The following PPIC variants were observed in gnomAD, a reference collection of about 807,000 sequenced individuals.
The protein encoded by PPIC is peptidylprolyl isomerase C.
PPIC carries 19 observed loss-of-function variants against 19.5 expected under a neutral mutation model. The observed-to-expected ratio is 0.98, with a 90% CI of 0.68 to 1.43. PPIC has a LOEUF of 1.43. Among genes scored for constraint, PPIC ranks in the 40% most tolerant of loss-of-function variants. The pLI, the probability that PPIC is intolerant of heterozygous loss-of-function variation, is 0.00. For synonymous variants in PPIC, 107 were observed against 101.2 expected (o/e 1.06, Z -0.34); for missense variants, 268 against 268.6 (o/e 1.00, Z 0.02).
rs1192954020 is a variant in PPIC at position 123,036,381 on chromosome 5, C to T, written c.117+128G>A. 1.2e-6 allele frequency: 1 copy of T among 846,576 alleles called. No individual in the cohort carries two copies. 52.4% of individuals were successfully genotyped at this position (846,576 alleles called of 1,614,324 possible). A position where few individuals can be genotyped will look rare whatever the true frequency, so the allele number is the denominator to read the frequency against. ...GCCCCCTCCCACCCAGTCCCGCGGC[C>T]GCCTCCAGTCCCCCTGCGCCCGGGA... On this transcript the variant is annotated intron_variant, in intron 1 of 4. Transcript: ENST00000306442. This position sits in a 1 kb window ranked among gnomAD's most constrained non-coding sequence, Gnocchi z 4.5.
chr5:123,027,062 C>T (rs45584638), intron 3 of PPIC, among the ~76,000 whole-genome samples: 33 of 152,034 alleles, frequency 2.2e-4, no homozygotes, highest in African/African-American at 6.5e-4. Flanking sequence ...GGCATGGTGG[C>T]GGGCGCCTGC....
Position 123,036,443 on chromosome 5 carries a change from G to A in PPIC, c.117+66C>T. ...CGCCCGCCCTGACACCGAGGTCCCA[G>A]TATCCAAAGCGCCCCCAGGGCCCCG... On this transcript the variant is annotated intron_variant, in intron 1 of 4. Transcript: ENST00000306442. This position sits in a 1 kb window ranked among gnomAD's most constrained non-coding sequence, Gnocchi z 4.5. The A allele has an allele frequency of 7.0e-7, 1 of 1,425,554 alleles. No homozygotes were observed. The highest frequency in any genetic ancestry group is 2.3e-5 in the East Asian group (1 of 42,986). The allele number at this position is 1,425,554 out of a possible 1,614,324, so 88.3% of individuals were successfully genotyped here.
intron 1 of PPIC, among the ~76,000 whole-genome samples, chr5:123,031,554 G>A (rs1034692169): frequency 6.6e-6 from 1 of 152,144 alleles, no homozygotes; most frequent in Non-Finnish European, 1.5e-5. Context: ...AGTGGGTGGG[G>A]GGCCAGGAAA....
At chr5:123,025,658 C>G in intron 4 of PPIC, 126 bp downstream of exon 4, 1 of 974,666 alleles carries the variant, frequency 1.0e-6, no homozygotes. Context: ...ATTTATTCAC[C>G]TTTGAAGAGG....
chr5:123,026,052 A>G (rs1762848481), intron 3 of PPIC, 84 bp from the exon 4 acceptor site: 2 of 1,183,530 alleles, frequency 1.7e-6, no homozygotes, highest in Admixed American at 6.2e-5. Flanking sequence ...TAGAGGAATC[A>G]ATTACTAGAA....
chr5:123,035,640 T>TC, intron 1 of PPIC, among the ~76,000 whole-genome samples: 1 of 152,118 alleles, frequency 6.6e-6, no homozygotes, highest in Non-Finnish European at 1.5e-5. Context: ...GCCCGCCCCC[T>TC]CCAGCTTCAG....
chr5:123,024,798 T>C (rs1040312544), intron 4 of PPIC, among the ~76,000 whole-genome samples: 1 of 152,066 alleles, frequency 6.6e-6, no homozygotes, highest in Non-Finnish European at 1.5e-5. Flanking sequence ...ATAAGTCACA[T>C]GAAAACAAAA....
chr5:123,036,670 C>T lies in PPIC; in HGVS notation c.-45G>A, dbSNP rs200682048. The T allele has an allele frequency of 3.6e-4, 538 of 1,499,302 alleles. 2 individuals carry two copies. In the East Asian group the frequency reaches 0.01, roughly 28 times the overall value. 92.9% of individuals were successfully genotyped at this position (1,499,302 alleles called of 1,614,324 possible). A position where few individuals can be genotyped will look rare whatever the true frequency, so the allele number is the denominator to read the frequency against. ...GCTACCGGCACGGGCGCTACCGGCA[C>T]GGGCGCGACACAGGCTCTGGGACAG... On this transcript the variant is annotated 5_prime_UTR_variant, in exon 1 of 5. The change creates a new upstream start codon in the 5' untranslated region. Transcript: ENST00000306442. The surrounding 1 kb of genome is among the most constrained non-coding windows in gnomAD (Gnocchi z 4.5).
At chr5:123,024,322 C>G (rs1233100325) in intron 4 of PPIC, among the ~76,000 whole-genome samples, 3 of 152,192 alleles carry the variant, frequency 2.0e-5, no homozygotes, top group Non-Finnish European at 4.4e-5. Flanking sequence ...ACACCCAGCT[C>G]TAGTAAAAGG....
At chr5:123,028,565 A>G in intron 3 of PPIC, 1 of 452,238 alleles carries the variant, frequency 2.2e-6, no homozygotes, top group African/African-American at 2.0e-5. Context: ...AATAAACACC[A>G]AAACAATCCT....
intron 2 of PPIC, 164 bp from the exon 3 acceptor site, chr5:123,029,032 C>G: frequency 2.4e-6 from 2 of 822,256 alleles, no homozygotes; most frequent in Non-Finnish European, 3.7e-6. Context: ...CATTAGCTGA[C>G]CAAAAAATAA....
At chr5:123,028,702 A>T in intron 3 of PPIC, 73 bp downstream of exon 3, 1 of 1,221,326 alleles carries the variant, frequency 8.2e-7, no homozygotes, top group Non-Finnish European at 1.2e-6. Flanking sequence ...ATTTCAACAG[A>T]CTGGGTTCAT....
Position 123,030,250 on chromosome 5 carries a change from G to A in PPIC, c.118-832C>T, listed in dbSNP as rs79635743. ...AGGTAAAACCATAAAAGTTCTCTTGGACTTGTTTTTAACTGTCTCATCTGA... is the reference window on the plus strand; with the variant it reads ...AGGTAAAACCATAAAAGTTCTCTTGAACTTGTTTTTAACTGTCTCATCTGA... On this transcript the variant is annotated intron_variant, in intron 1 of 4. Coordinates refer to ENST00000306442, the MANE Select transcript of PPIC (RefSeq NM_000943.5). Among the ~76,000 whole-genome samples the A allele has an allele frequency of 2.1e-3, 322 of 152,254 alleles. 2 individuals are homozygous for A. Among genetic ancestry groups the A allele is most frequent in the Middle Eastern group, 0.017 (5 of 294 alleles).
At position 123,028,886 on chromosome 5, in the gene PPIC, G is replaced by C. The variant is rs1762902149; in HGVS notation, c.232-18C>G. On this transcript the variant is annotated intron_variant, in intron 2 of 4. Coordinates refer to ENST00000306442, the MANE Select transcript of PPIC (RefSeq NM_000943.5). Reference sequence around the variant, plus strand: ...TATCCTTTCTAAAGAGATTACTTCAGTTGAATAACAAGTAACAGAGGCCAT... The same window carrying C: ...TATCCTTTCTAAAGAGATTACTTCACTTGAATAACAAGTAACAGAGGCCAT... The C allele has an allele frequency of 6.4e-7, 1 of 1,556,362 alleles. No individual in the cohort carries two copies. Among genetic ancestry groups the C allele is most frequent in the African/African-American group, 1.4e-5 (1 of 73,476 alleles).
chr5:123,032,031 A>G (rs1295013794), intron 1 of PPIC, among the ~76,000 whole-genome samples: 4 of 152,174 alleles, frequency 2.6e-5, no homozygotes, highest in Non-Finnish European at 5.9e-5. Context: ...TCCTGACCGT[A>G]AGTGATCCGC....
In PPIC at chr5:123,036,298, C is replaced by G. The variant is rs570336246; in HGVS notation, c.117+211G>C. The G allele has an allele frequency of 6.4e-4, 372 of 578,336 alleles. 2 individuals are homozygous for G. The highest frequency in any genetic ancestry group is 2.9e-3 in the South Asian group (143 of 49,370). The allele number at this position is 578,336 out of a possible 1,614,324, so 35.8% of individuals were successfully genotyped here. On this transcript the variant is annotated intron_variant, in intron 1 of 4. Coordinates refer to ENST00000306442, the MANE Select transcript of PPIC (RefSeq NM_000943.5). This position sits in a 1 kb window ranked among gnomAD's most constrained non-coding sequence, Gnocchi z 4.5. ...GCAGACTGCGGCGGAGGTAGGCTGG[C>G]CTCAGCCCAGCTCCCCCAGGGTCTC...
chr5:123,035,607 G>C (rs10070141), intron 1 of PPIC, among the ~76,000 whole-genome samples: 2,609 of 152,240 alleles, frequency 0.017, 85 homozygotes, highest in African/African-American at 0.059. Flanking sequence ...ACCCCAGACT[G>C]ATGAAGACCA....
intron 4 of PPIC, among the ~76,000 whole-genome samples, chr5:123,025,052 C>T (rs1435725532): frequency 4.6e-5 from 7 of 152,166 alleles, no homozygotes; most frequent in Admixed American, 2.0e-4. Flanking sequence ...TTTTTGGATG[C>T]GTGTCTCTGT....
At chr5:123,024,983 T>A (rs527994486) in intron 4 of PPIC, among the ~76,000 whole-genome samples, 58 of 152,300 alleles carry the variant, frequency 3.8e-4, no homozygotes, top group African/African-American at 1.3e-3. Context: ...GGGTTGTGAA[T>A]TGGACTGCTT....
Sources: gnomAD v4.1 joint callset for allele counts (sites outside exome capture counted in the v4.1 genomes callset) on GRCh38, gnomAD v4.1.1 for gene constraint, Gnocchi (gnomAD v3.1) non-coding constraint, MANE v1.5 for transcripts, NCBI Gene and HGNC (gene_info 2026-07-23, HGNC 2026-07-21) for gene names.